Variants in RGS7 observed in about 807,000 individuals in gnomAD.
The protein encoded by RGS7 is regulator of G protein signaling 7.
A neutral mutation model predicts 81.1 loss-of-function variants in RGS7; 27 were observed. The observed-to-expected ratio is 0.33, with a 90% CI of 0.25 to 0.46. The LOEUF is 0.46. Ranked by LOEUF, RGS7 falls within the 20% of genes least tolerant of loss-of-function variation. RGS7 has a pLI of 1.00. For synonymous variants in RGS7, 208 were observed against 207.7 expected (o/e 1.00, Z -0.01); for missense variants, 396 against 607.4 (o/e 0.65, Z 3.66).
chr1:240,786,925 C>T (rs935130627), intron 18 of RGS7, among the ~76,000 whole-genome samples: 1 of 150,698 alleles, frequency 6.6e-6, no homozygotes, highest in Non-Finnish European at 1.5e-5. Flanking sequence ...GTGGGAACAC[C>T]TGGGTTTTTT....
In RGS7 at chr1:240,812,023, C is replaced by T. The variant is rs765416370; in HGVS notation, c.977G>A (p.Arg326Lys). The T allele has an allele frequency of 3.7e-6, 6 of 1,614,148 alleles. No homozygotes were observed. Among genetic ancestry groups the T allele is most frequent in the Non-Finnish European group, 5.1e-6 (6 of 1,180,008 alleles). ...LEASKEPSQQ[R>K]VKRWGFGMDE... ...CATGCCAAAACCCCATCGTTTTACCCTCTGCTGGCTCGGTTCTTTGCTATA... is the reference window on the plus strand; with the variant it reads ...CATGCCAAAACCCCATCGTTTTACCTTCTGCTGGCTCGGTTCTTTGCTATA... The change falls in exon 14 of 19, where the codon AGG becomes AAG. Residue 326 changes from arginine to lysine, a missense_variant. Arg to Lys is a conservative substitution (Grantham distance 26). Transcript: ENST00000440928.
intron 2 of RGS7, among the ~76,000 whole-genome samples, chr1:241,251,184 C>T (rs915700147): frequency 9.9e-5 from 15 of 152,170 alleles, no homozygotes; most frequent in African/African-American, 3.4e-4. Context: ...CTACCAGTGG[C>T]ATAGATACAA....
intron 3 of RGS7, among the ~76,000 whole-genome samples, chr1:241,094,954 G>A (rs1256642018): frequency 6.6e-6 from 1 of 152,214 alleles, no homozygotes; most frequent in East Asian, 1.9e-4. Context: ...AGGGGCAACA[G>A]AGACTCTCAG....
At chr1:240,943,268 G>A (rs775237939) in intron 4 of RGS7, among the ~76,000 whole-genome samples, 1 of 152,162 alleles carries the variant, frequency 6.6e-6, no homozygotes, top group East Asian at 1.9e-4. Flanking sequence ...CACATCCCGG[G>A]TCCCTCATTT....
chr1:241,316,474 C>G (rs1035594766), intron 2 of RGS7, among the ~76,000 whole-genome samples: 1 of 152,168 alleles, frequency 6.6e-6, no homozygotes, highest in African/African-American at 2.4e-5. Context: ...AACTCATTAG[C>G]ATAAAGAGAT....
chr1:241,065,216 T>C (rs1248350345), intron 3 of RGS7, among the ~76,000 whole-genome samples: 1 of 142,202 alleles, frequency 7.0e-6, no homozygotes, highest in Non-Finnish European at 1.5e-5. Context: ...GAGATATATA[T>C]ATATTATCTT....
intron 4 of RGS7, among the ~76,000 whole-genome samples, chr1:240,955,754 T>C (rs577220364): frequency 3.4e-4 from 51 of 152,238 alleles, no homozygotes; most frequent in African/African-American, 1.2e-3. Context: ...AACAATTCAG[T>C]AGAAAAAGAA....
chr1:241,295,251 A>C lies in RGS7; in HGVS notation c.78+60448T>G, dbSNP rs375530469. Among the ~76,000 whole-genome samples the C allele has an allele frequency of 4.9e-3, 752 of 152,104 alleles. 6 individuals are homozygous for C. The highest frequency in any genetic ancestry group is 0.017 in the African/African-American group (726 of 41,524). ...ATCACAAGGTCAGGAGTTCAAGACCAGCCTGACGAACATGATGAAACCCCG... is the reference window on the plus strand; with the variant it reads ...ATCACAAGGTCAGGAGTTCAAGACCCGCCTGACGAACATGATGAAACCCCG... On this transcript the variant is annotated intron_variant, in intron 2 of 18. Coordinates refer to ENST00000440928, the MANE Select transcript of RGS7 (RefSeq NM_001364886.1).
intron 6 of RGS7, among the ~76,000 whole-genome samples, chr1:240,925,828 G>A (rs1158774465): frequency 1.3e-5 from 2 of 152,108 alleles, no homozygotes; most frequent in Non-Finnish European, 2.9e-5. Flanking sequence ...TCTGACTGGT[G>A]TGAGATCGTA....
At chr1:241,027,556 G>C (rs560170369) in intron 3 of RGS7, among the ~76,000 whole-genome samples, 1 of 152,170 alleles carries the variant, frequency 6.6e-6, no homozygotes, top group Non-Finnish European at 1.5e-5. Context: ...GGGGAAAGAT[G>C]CTGGTGGCTT....
At chr1:241,252,263 T>C (rs1341467820) in intron 2 of RGS7, among the ~76,000 whole-genome samples, 1 of 152,098 alleles carries the variant, frequency 6.6e-6, no homozygotes, top group Non-Finnish European at 1.5e-5. Context: ...AGGCTGGTCT[T>C]GAACTCTTGA....
At chr1:241,048,697 G>A (rs897678998) in intron 3 of RGS7, among the ~76,000 whole-genome samples, 10 of 152,162 alleles carry the variant, frequency 6.6e-5, no homozygotes, top group Non-Finnish European at 1.2e-4. Flanking sequence ...TCCTGAGGAT[G>A]GCATATGTAA....
intron 10 of RGS7, among the ~76,000 whole-genome samples, chr1:240,818,287 G>A (rs545196602): frequency 2.0e-5 from 3 of 151,368 alleles, no homozygotes; most frequent in Non-Finnish European, 2.9e-5. Flanking sequence ...TAAGCATTAG[G>A]GAAATACAAA....
intron 2 of RGS7, among the ~76,000 whole-genome samples, chr1:241,154,171 G>A (rs963093923): frequency 3.9e-5 from 6 of 152,184 alleles, no homozygotes; most frequent in African/African-American, 1.2e-4. Context: ...ACTGATTAGT[G>A]CCATGAATGA....
intron 3 of RGS7, among the ~76,000 whole-genome samples, chr1:241,004,685 G>A (rs919928746): frequency 1.3e-5 from 2 of 150,864 alleles, no homozygotes; most frequent in African/African-American, 5.0e-5. Flanking sequence ...GACTGAGTGG[G>A]GAAGCCCAGC....
chr1:240,957,059 G>A (rs1680558399), intron 4 of RGS7, among the ~76,000 whole-genome samples: 1 of 152,180 alleles, frequency 6.6e-6, no homozygotes, highest in Admixed American at 6.5e-5. Flanking sequence ...GCGTGCGTCT[G>A]TGAGGGTGTT....
intron 3 of RGS7, among the ~76,000 whole-genome samples, chr1:241,035,039 T>C (rs562281082): frequency 1.3e-5 from 2 of 151,990 alleles, no homozygotes; most frequent in African/African-American, 4.8e-5. Flanking sequence ...ACAGGAGAGA[T>C]TGTGAAGGTT....
chr1:241,336,749 A>T (rs1295470211), intron 2 of RGS7, among the ~76,000 whole-genome samples: 2 of 152,236 alleles, frequency 1.3e-5, no homozygotes, highest in African/African-American at 2.4e-5. Flanking sequence ...GAGGGAAAAT[A>T]AAACGCCTTA....
intron 6 of RGS7, among the ~76,000 whole-genome samples, chr1:240,926,688 G>A (rs543788742): frequency 4.3e-4 from 65 of 152,288 alleles, no homozygotes; most frequent in Non-Finnish European, 7.4e-5. Flanking sequence ...CACACTGCAA[G>A]TCCTTAGTGC....
Sources: gnomAD v4.1 joint callset for allele counts (sites outside exome capture counted in the v4.1 genomes callset) on GRCh38, gnomAD v4.1.1 for gene constraint, MANE v1.5 for transcripts, NCBI Gene and HGNC (gene_info 2026-07-23, HGNC 2026-07-21) for gene names.